The following IKZF1 variants were observed in gnomAD, a reference collection of about 807,000 sequenced individuals.
IKZF1 encodes the protein DNA-binding protein Ikaros.
Under a neutral mutation model 51.7 loss-of-function variants are expected in IKZF1, and 10 were observed. The observed-to-expected ratio is 0.19, with a 90% CI of 0.12 to 0.33. The LOEUF is 0.33. Ranked by LOEUF, IKZF1 falls within the 10% of genes least tolerant of loss-of-function variation. IKZF1 has a pLI of 1.00. For missense variants in IKZF1, 484 were observed against 707.5 expected (o/e 0.68, Z 3.58); for synonymous variants, 280 against 282.3 (o/e 0.99, Z 0.08).
intron 1 of IKZF1, among the ~76,000 whole-genome samples, chr7:50,317,094 G>A (rs961519358): frequency 2.6e-5 from 4 of 152,098 alleles, no homozygotes; most frequent in African/African-American, 4.8e-5. Flanking sequence ...AGTCCTAAGT[G>A]GTAGAAATTA....
chr7:50,376,436 C>T lies in IKZF1; in HGVS notation c.161-97C>T. 1.3e-6 allele frequency: 2 copies of T among 1,546,874 alleles called. No homozygotes were observed. Among genetic ancestry groups the T allele is most frequent in the Non-Finnish European group, 1.7e-6 (2 of 1,149,198 alleles). ...TGCTAAGAACTTCTGTTTAGTAGCT[C>T]TCCACACCTATTTGATTGTCTTTTT... On this transcript the variant is annotated intron_variant, in intron 3 of 7. Coordinates refer to ENST00000331340, the MANE Select transcript of IKZF1 (RefSeq NM_006060.6). The surrounding 1 kb of genome is among the most constrained non-coding windows in gnomAD (Gnocchi z 4.5).
At chr7:50,362,501 C>T (rs1391286878) in intron 3 of IKZF1, among the ~76,000 whole-genome samples, 1 of 152,178 alleles carries the variant, frequency 6.6e-6, no homozygotes, top group Admixed American at 6.5e-5. Flanking sequence ...TTGGTTGTAG[C>T]TAATCCTATG....
At chr7:50,314,765 C>T (rs1791080502) in intron 1 of IKZF1, among the ~76,000 whole-genome samples, 1 of 152,216 alleles carries the variant, frequency 6.6e-6, no homozygotes, top group Admixed American at 6.5e-5. Context: ...CCAGCAGGTT[C>T]GGTGGAGCTC....
Position 50,400,402 on chromosome 7 carries a change from G to A in IKZF1, c.1335G>A (p.Ser445=), listed in dbSNP as rs1449766740. Residue 445 remains serine (S), a synonymous_variant, in exon 8 of 8, where the codon TCG becomes TCA. Transcript: ENST00000331340. The surrounding 1 kb of genome is among the most constrained non-coding windows in gnomAD (Gnocchi z 5.4). ...YDLLRAASEN[S]QDALRVVSTS... is the part of the protein sequence containing the mutation. ...TGCTGCGCGCCGCCTCCGAGAACTC[G>A]CAGGACGCGCTCCGCGTGGTCAGCA... The A allele has an allele frequency of 1.9e-6, 3 of 1,613,440 alleles. No homozygotes were observed. In the East Asian group the frequency reaches 6.7e-5, roughly 36 times the overall value.
At position 50,400,700 on chromosome 7, in the gene IKZF1, C is replaced by T; in HGVS notation, c.*73C>T. On this transcript the variant is annotated 3_prime_UTR_variant, in exon 8 of 8. Transcript: ENST00000331340. The surrounding 1 kb of genome is among the most constrained non-coding windows in gnomAD (Gnocchi z 5.4). ...CACAAGGACTGCCGCCTTCTCGCTC[C>T]CGCCAGCAGCATAGACTGGACTGGA... 1 of 1,500,074 alleles carries T rather than the reference C, an allele frequency of 6.7e-7. No homozygotes were observed. The highest frequency in any genetic ancestry group is 9.0e-7 in the Non-Finnish European group (1 of 1,114,506). The allele number at this position is 1,500,074 out of a possible 1,614,324, so 92.9% of individuals were successfully genotyped here. A position where few individuals can be genotyped will look rare whatever the true frequency, so the allele number is the denominator to read the frequency against.
intron 3 of IKZF1, among the ~76,000 whole-genome samples, chr7:50,364,776 G>C (rs1171975321): frequency 6.6e-6 from 1 of 152,250 alleles, no homozygotes; most frequent in Non-Finnish European, 1.5e-5. Flanking sequence ...GGAGCTCTCA[G>C]TGACTGCTGT....
intron 2 of IKZF1, among the ~76,000 whole-genome samples, chr7:50,323,500 A>T (rs530094088): frequency 6.2e-4 from 95 of 152,352 alleles, no homozygotes; most frequent in African/African-American, 2.2e-3. Context: ...ACATTTTATA[A>T]GCTAATTATA....
intron 3 of IKZF1, chr7:50,367,530 A>G (rs1807300177): frequency 1.3e-5 from 2 of 153,160 alleles, no homozygotes; most frequent in Admixed American, 6.5e-5. Context: ...TCCCCCACCC[A>G]ATGTGCTGCA....
chr7:50,311,536 T>C (rs924174485), intron 1 of IKZF1, among the ~76,000 whole-genome samples: 8 of 152,238 alleles, frequency 5.3e-5, no homozygotes, highest in African/African-American at 9.6e-5. Context: ...GGGATGTTCT[T>C]GTGAAGATCT....
At position 50,382,533 on chromosome 7, in the gene IKZF1, G is replaced by C. The variant is rs764177054; in HGVS notation, c.422-7G>C. 4 of 1,610,672 alleles carry C rather than the reference G, an allele frequency of 2.5e-6. No homozygotes were observed. The highest frequency in any genetic ancestry group is 3.4e-6 in the Non-Finnish European group (4 of 1,177,520). ...AGTTCTCACCAGCTCTCCTCTCTCC[G>C]TCCCAGGAGAACGGCCCTTCCAGTG... On this transcript the variant is annotated splice_region_variant and splice_polypyrimidine_tract_variant and intron_variant, in intron 4 of 7. Transcript: ENST00000331340.
chr7:50,357,067 A>G (rs560777842), intron 3 of IKZF1, among the ~76,000 whole-genome samples: 5 of 151,794 alleles, frequency 3.3e-5, no homozygotes, highest in Admixed American at 3.3e-4. Context: ...GTGTGATTCC[A>G]CTTGTGATCC....
chr7:50,304,124 G>T (rs1405055583), upstream of IKZF1: 1 of 146,812 alleles, frequency 6.8e-6, no homozygotes, highest in African/African-American at 2.5e-5. Context: ...GGTACGGCCC[G>T]CACCCGCCGC....
intron 3 of IKZF1, among the ~76,000 whole-genome samples, chr7:50,349,291 T>C (rs1801213888): frequency 6.6e-6 from 1 of 152,184 alleles, no homozygotes; most frequent in Admixed American, 6.5e-5. Flanking sequence ...CTATCCAGTC[T>C]AGTTTTTCTT....
chr7:50,320,827 T>C (rs1793026961), intron 2 of IKZF1, among the ~76,000 whole-genome samples: 1 of 152,236 alleles, frequency 6.6e-6, no homozygotes, highest in Non-Finnish European at 1.5e-5. Context: ...GAACTTACCT[T>C]AGAGGTATAT....
At chr7:50,388,341 G>A (rs891127867) in intron 6 of IKZF1, 2 of 152,158 alleles carry the variant, frequency 1.3e-5, no homozygotes, top group South Asian at 2.1e-4. Context: ...TTCACCTTTC[G>A]GACTTTAACA....
intron 3 of IKZF1, among the ~76,000 whole-genome samples, chr7:50,345,071 T>C (rs1800019067): frequency 6.6e-6 from 1 of 152,026 alleles, no homozygotes. Flanking sequence ...CTTTGCTATA[T>C]AATTAAAATA....
intron 1 of IKZF1, among the ~76,000 whole-genome samples, chr7:50,313,958 C>T (rs1446909519): frequency 6.6e-6 from 1 of 152,126 alleles, no homozygotes; most frequent in Non-Finnish European, 1.5e-5. Context: ...TCTTTGCAGC[C>T]TTTTCCTGGC....
chr7:50,371,532 G>A (rs1206385791), intron 3 of IKZF1, among the ~76,000 whole-genome samples: 1 of 152,238 alleles, frequency 6.6e-6, no homozygotes, highest in Non-Finnish European at 1.5e-5. Context: ...ACAACTACAG[G>A]TGGCAGGAAC....
intron 3 of IKZF1, among the ~76,000 whole-genome samples, chr7:50,361,494 T>G (rs1805220555): frequency 6.6e-6 from 1 of 152,208 alleles, no homozygotes; most frequent in African/African-American, 2.4e-5. Flanking sequence ...GGAAGTTGGC[T>G]GACATGAAAC....
Sources: gnomAD v4.1 joint callset for allele counts (sites outside exome capture counted in the v4.1 genomes callset) on GRCh38, gnomAD v4.1.1 for gene constraint, Gnocchi (gnomAD v3.1) non-coding constraint, MANE v1.5 for transcripts, NCBI Gene and HGNC (gene_info 2026-07-23, HGNC 2026-07-21) for gene names.